The following GLCCI1 variants were observed in gnomAD, a reference collection of about 807,000 sequenced individuals.
GLCCI1 encodes glucocorticoid induced 1.
In GLCCI1, 24 loss-of-function variants were observed where a neutral mutation model predicts 52.2. The observed-to-expected ratio is 0.46, with a 90% CI of 0.33 to 0.65. The LOEUF (loss-of-function observed/expected upper bound fraction) is 0.65, where lower values mean the gene tolerates loss of function less well. Ranked by LOEUF, GLCCI1 falls within the 30% of genes least tolerant of loss-of-function variation. The pLI is 0.02. For synonymous variants in GLCCI1, 310 were observed against 276.5 expected (o/e 1.12, Z -1.20); for missense variants, 704 against 701.5 (o/e 1.00, Z -0.04).
chr7:8,046,543 C>T (rs908953404), intron 3 of GLCCI1, among the ~76,000 whole-genome samples: 8 of 152,200 alleles, frequency 5.3e-5, no homozygotes, highest in Admixed American at 2.0e-4. Flanking sequence ...AGTTTGGTTT[C>T]CATAACTTCT....
At chr7:8,012,057 C>T (rs550543690) in intron 2 of GLCCI1, among the ~76,000 whole-genome samples, 127 of 152,014 alleles carry the variant, frequency 8.4e-4, no homozygotes, top group Non-Finnish European at 1.4e-3. Flanking sequence ...CCTTGTGATC[C>T]GCTTGCCTCG....
At chr7:8,003,722 A>G (rs1218022448) in intron 1 of GLCCI1, among the ~76,000 whole-genome samples, 186 bp from the exon 2 acceptor site, 1 of 152,222 alleles carries the variant, frequency 6.6e-6, no homozygotes, top group African/African-American at 2.4e-5. Context: ...TGTGAGATTT[A>G]ACATGAATGT....
chr7:7,988,588 A>G (rs1312662428), intron 1 of GLCCI1, among the ~76,000 whole-genome samples: 1 of 152,084 alleles, frequency 6.6e-6, no homozygotes, highest in Admixed American at 6.5e-5. Context: ...GGTAGATACG[A>G]CTTTTGAAAA....
intron 1 of GLCCI1, among the ~76,000 whole-genome samples, chr7:7,976,650 A>G: frequency 6.8e-6 from 1 of 147,736 alleles, no homozygotes; most frequent in Non-Finnish European, 1.5e-5. Flanking sequence ...GGTGGCTCAC[A>G]CCTGTAATCC....
Position 8,016,502 on chromosome 7 carries a change from G to A in GLCCI1, c.610-5981G>A, listed in dbSNP as rs112495359. Among the ~76,000 whole-genome samples the A allele has an allele frequency of 5.6e-3, 848 of 152,046 alleles. 12 individuals are homozygous for A. The highest frequency in any genetic ancestry group is 6.0e-3 in the Non-Finnish European group (410 of 67,936). ...ACAAAAAAAACCAATTAAGATCATA[G>A]AGTTATAGTTTAAAATTAGGTCATA... On this transcript the variant is annotated intron_variant, in intron 2 of 7. Transcript: ENST00000223145.
At chr7:8,001,290 A>T (rs1382859877) in intron 1 of GLCCI1, among the ~76,000 whole-genome samples, 1 of 152,144 alleles carries the variant, frequency 6.6e-6, no homozygotes, top group South Asian at 2.1e-4. Context: ...TTTCTCCTTC[A>T]CTTATGAAGC....
intron 5 of GLCCI1, 35 bp downstream of exon 5, chr7:8,060,283 C>G: frequency 3.2e-6 from 5 of 1,552,432 alleles, no homozygotes; most frequent in Admixed American, 1.7e-5. Context: ...TCCTTTTTTT[C>G]TCTGATATAA....
At chr7:8,082,609 A>T (rs551057856) in intron 6 of GLCCI1, among the ~76,000 whole-genome samples, 43 of 152,258 alleles carry the variant, frequency 2.8e-4, no homozygotes, top group Non-Finnish European at 5.0e-4. Flanking sequence ...ATTAAAAAAA[A>T]TTTTTATTGA....
intron 1 of GLCCI1, among the ~76,000 whole-genome samples, chr7:7,999,500 G>A (rs1361940300): frequency 6.6e-6 from 1 of 152,084 alleles, no homozygotes; most frequent in Non-Finnish European, 1.5e-5. Flanking sequence ...CCTAACTACT[G>A]TAGAGCTGAC....
intron 2 of GLCCI1, among the ~76,000 whole-genome samples, chr7:8,006,085 A>ATT (rs1781143002): frequency 6.6e-6 from 1 of 152,252 alleles, no homozygotes; most frequent in Non-Finnish European, 1.5e-5. Context: ...GGCATGCGCC[A>ATT]CCACTCCTGG....
intron 5 of GLCCI1, among the ~76,000 whole-genome samples, chr7:8,068,153 A>C (rs1782674406): frequency 6.6e-6 from 1 of 152,208 alleles, no homozygotes; most frequent in Non-Finnish European, 1.5e-5. Context: ...GTTCAAGACC[A>C]ACCTGGCCAA....
intron 3 of GLCCI1, among the ~76,000 whole-genome samples, chr7:8,028,392 T>C (rs1306518306): frequency 3.3e-5 from 5 of 151,814 alleles, no homozygotes; most frequent in Non-Finnish European, 5.9e-5. Flanking sequence ...AAGAAGGAAA[T>C]TGAAAAACTT....
chr7:8,076,776 C>T (rs1212219553), intron 6 of GLCCI1, among the ~76,000 whole-genome samples: 1 of 152,140 alleles, frequency 6.6e-6, no homozygotes, highest in Non-Finnish European at 1.5e-5. Context: ...ATATTTTGGT[C>T]AGTGCTTTAC....
chr7:7,976,471 C>T (rs1293274904), intron 1 of GLCCI1, among the ~76,000 whole-genome samples: 8 of 13,720 alleles, frequency 5.8e-4, no homozygotes, highest in African/African-American at 3.4e-3. Flanking sequence ...AAGAGTGAAA[C>T]TCCATCTCAA....
chr7:7,998,166 A>G (rs1361432341), intron 1 of GLCCI1, among the ~76,000 whole-genome samples: 1 of 118,038 alleles, frequency 8.5e-6, no homozygotes, highest in Non-Finnish European at 1.7e-5. Flanking sequence ...TTGAGGAGGT[A>G]GTTTTTTTTG....
intron 1 of GLCCI1, among the ~76,000 whole-genome samples, chr7:7,993,049 C>A (rs559952332): frequency 4.1e-4 from 62 of 152,204 alleles, no homozygotes; most frequent in African/African-American, 1.5e-3. Flanking sequence ...TCACAGTTTT[C>A]ATCTTATGTG....
chr7:8,035,462 T>A (rs1310592523), intron 3 of GLCCI1, among the ~76,000 whole-genome samples: 1 of 152,136 alleles, frequency 6.6e-6, no homozygotes, highest in East Asian at 1.9e-4. Flanking sequence ...AGACAGCCAT[T>A]CTAGGGCAAT....
intron 1 of GLCCI1, among the ~76,000 whole-genome samples, chr7:7,984,312 G>C (rs1011430824): frequency 6.6e-6 from 1 of 152,012 alleles, no homozygotes; most frequent in African/African-American, 2.4e-5. Context: ...CTCTCACCTT[G>C]GGCTCCCAAA....
At chr7:8,003,791 TA>T in intron 1 of GLCCI1, 116 bp from the exon 2 acceptor site, 1 of 843,792 alleles carries the variant, frequency 1.2e-6, no homozygotes, top group Non-Finnish European at 1.8e-6. Flanking sequence ...GCTATTAGTG[TA>T]AATATATATA....
Sources: allele counts gnomAD v4.1 joint callset (sites outside exome capture counted in the v4.1 genomes callset), GRCh38; gene constraint gnomAD v4.1.1; transcripts MANE v1.5; gene names NCBI Gene and HGNC (gene_info 2026-07-23, HGNC 2026-07-21).